PLD2: variants seen among roughly 807,000 people sequenced by gnomAD.
PLD2 encodes phospholipase D2.
In PLD2, 101 loss-of-function variants were observed where a neutral mutation model predicts 119.8. The observed-to-expected ratio is 0.84, with a 90% confidence interval of 0.72 to 0.99. The LOEUF (loss-of-function observed/expected upper bound fraction) is 0.99. Among genes scored for constraint, PLD2 ranks in the 50% least tolerant of loss-of-function variants. The pLI is 0.00. For synonymous variants in PLD2, 494 were observed against 482.8 expected, an observed-to-expected ratio of 1.02 and a Z score of -0.30; for missense variants, 1,164 against 1,226.8, an observed-to-expected ratio of 0.95 and a Z score of 0.76.
Position 4,818,015 on chromosome 17 carries a change from T to G in PLD2, c.1829T>G (p.Val610Gly). The G allele has an allele frequency of 6.2e-7, 1 of 1,612,410 alleles. No individual in the cohort carries two copies. The change falls in exon 18 of 25, where the codon GTG (valine) becomes GGG (glycine). Residue 610 changes from valine to glycine, a missense_variant. Physicochemically the swap from Val to Gly is moderately radical, Grantham distance 109. Transcript: ENST00000263088. ...QCTTVQVLRS[V>G]DRWSAGTLEN... ...ACCATTCCCTAGGTCTTGCGATCAG[T>G]GGACCGCTGGTCAGCAGGGACTCTG...
chr17:4,818,875 T>C (rs748040968), intron 21 of PLD2, 52 bp downstream of exon 21: 7 of 1,580,162 alleles, frequency 4.4e-6, no homozygotes, highest in South Asian at 2.2e-5. Flanking sequence ...GAGAGGGAGA[T>C]TGGGGCGCTG....
Position 4,819,038 on chromosome 17 carries a change from T to A in PLD2, c.2174-46T>A. On this transcript the variant is annotated intron_variant, in intron 21 of 24. Coordinates refer to ENST00000263088, the MANE Select transcript of PLD2 (RefSeq NM_002663.5). This position sits in a 1 kb window ranked among gnomAD's most constrained non-coding sequence, Gnocchi z 4.2. Reference sequence around the variant, plus strand: ...TGAGAGGAGGTGGGACAGGGCCCTGTGCACACAGAGCCACCTCTCACCTCA... The same window carrying A: ...TGAGAGGAGGTGGGACAGGGCCCTGAGCACACAGAGCCACCTCTCACCTCA... The A allele has an allele frequency of 6.2e-7, 1 of 1,609,786 alleles. No homozygotes were observed. The highest frequency in any genetic ancestry group is 8.5e-7 in the Non-Finnish European group (1 of 1,177,564).
At chr17:4,812,324 C>G (rs1246065231) in intron 10 of PLD2, among the ~76,000 whole-genome samples, 1 of 134,742 alleles carries the variant, frequency 7.4e-6, no homozygotes, top group Non-Finnish European at 1.5e-5. Context: ...GAGATGGAGT[C>G]TGTCTCTGTC....
At position 4,808,507 on chromosome 17, in the gene PLD2, C is replaced by T; in HGVS notation, c.383+91C>T. The T allele has an allele frequency of 7.7e-7, 1 of 1,295,488 alleles. No homozygotes were observed. Among genetic ancestry groups the T allele is most frequent in the Non-Finnish European group, 1.1e-6 (1 of 918,492 alleles). The allele number at this position is 1,295,488 out of a possible 1,614,324, so 80.2% of individuals were successfully genotyped here. A position where few individuals can be genotyped will look rare whatever the true frequency, so the allele number is the denominator to read the frequency against. On this transcript the variant is annotated intron_variant, in intron 4 of 24. Coordinates refer to ENST00000263088, the MANE Select transcript of PLD2 (RefSeq NM_002663.5). The surrounding 1 kb of genome is among the most constrained non-coding windows in gnomAD (Gnocchi z 4.1). The stretch of plus-strand genomic sequence containing the variant: ...ACCCCGGGGCCACAACCTTTCCTCC[C>T]TGCAACTCTGGCCACTGTGCTGCCT...
intron 23 of PLD2, among the ~76,000 whole-genome samples, chr17:4,821,104 G>A (rs989661584): frequency 3.4e-4 from 51 of 149,766 alleles, no homozygotes; most frequent in Admixed American, 1.1e-3. Context: ...GGGTTTCACC[G>A]TGTTAGCCAG....
intron 18 of PLD2, 40 bp downstream of exon 18, chr17:4,818,146 G>T (rs749733202): frequency 5.4e-6 from 8 of 1,494,122 alleles, no homozygotes; most frequent in Non-Finnish European, 7.5e-6. Context: ...TGGAAGGGGT[G>T]TCCCAGGAGA....
chr17:4,810,367 G>A (rs543972583), intron 9 of PLD2, among the ~76,000 whole-genome samples: 3 of 152,260 alleles, frequency 2.0e-5, no homozygotes, highest in East Asian at 1.9e-4. Flanking sequence ...GGATATGGCC[G>A]GGCGCGGTGG....
Position 4,818,365 on chromosome 17 carries a change from C to G in PLD2, c.1989C>G (p.Asp663Glu). The change falls in exon 19 of 25, where the codon GAC (aspartate) becomes GAG (glutamate). Residue 663 changes from aspartate (D) to glutamate (E), a missense_variant. Physicochemically the swap from Asp to Glu is conservative, Grantham distance 45. Transcript: ENST00000263088. ...VLNKVGDEIV[D>E]RILKAHKQGW... ...ACAAGGTGGGCGATGAGATTGTGGA[C>G]AGAATCCTGAAGGCCCACAAGTAAG... 6.2e-7 allele frequency: 1 copy of G among 1,614,122 alleles called. No homozygotes were observed. Among genetic ancestry groups the G allele is most frequent in the Non-Finnish European group, 8.5e-7 (1 of 1,179,992 alleles).
Position 4,819,137 on chromosome 17 carries a change from G to C in PLD2, c.2227G>C (p.Glu743Gln). ...CATCTGCGGGCTTCGTACACACGGAGAGCTGGGCGGGCACCCCGTCTCGGA... is the reference window on the plus strand; with the variant it reads ...CATCTGCGGGCTTCGTACACACGGACAGCTGGGCGGGCACCCCGTCTCGGA... ...ISICGLRTHG[E>Q]LGGHPVSELI... is the part of the protein sequence containing the mutation. Residue 743 changes from glutamate to glutamine, a missense_variant, in exon 22 of 25, where the codon GAG becomes CAG. Transcript: ENST00000263088. The surrounding 1 kb of genome is among the most constrained non-coding windows in gnomAD (Gnocchi z 4.2). 1 of 1,614,186 alleles carries C rather than the reference G, an allele frequency of 6.2e-7. No individual in the cohort carries two copies. The highest frequency in any genetic ancestry group is 1.1e-5 in the South Asian group (1 of 91,088).
At chr17:4,814,269 T>C in intron 10 of PLD2, 149 bp from the exon 11 acceptor site, 4 of 1,242,044 alleles carry the variant, frequency 3.2e-6, no homozygotes, top group Non-Finnish European at 4.4e-6. Context: ...AACACTATTT[T>C]GATGTGTCTG....
In PLD2 at chr17:4,811,404, G is replaced by GT. The variant is rs369935322; in HGVS notation, c.1010+454dup. ...CGATTCTTCTGCCTCAGCCTCCCGA[G>GT]TAGCCGGGATTACAGGCGCCCACCA... On this transcript the variant is annotated intron_variant, in intron 10 of 24. Transcript: ENST00000263088. Among the ~76,000 whole-genome samples the GT allele has an allele frequency of 4.0e-3, 590 of 147,278 alleles. 3 individuals carry two copies. Among genetic ancestry groups the GT allele is most frequent in the African/African-American group, 0.013 (532 of 39,820 alleles).
rs569340980 is a variant in PLD2, at chr17:4,811,410, G to A, written c.1010+459G>A. Among the ~76,000 whole-genome samples the A allele has an allele frequency of 3.6e-3, 531 of 149,126 alleles. 1 individual carries two copies. The highest frequency in any genetic ancestry group is 5.9e-3 in the Non-Finnish European group (401 of 67,596). ...TTCTGCCTCAGCCTCCCGAGTAGCC[G>A]GGATTACAGGCGCCCACCACCACAC... is the stretch of plus-strand genomic sequence containing the variant. On this transcript the variant is annotated intron_variant, in intron 10 of 24. Transcript: ENST00000263088.
chr17:4,816,748 T>C lies in PLD2; in HGVS notation c.1582+2T>C. 6.2e-7 allele frequency: 1 copy of C among 1,614,086 alleles called. No homozygotes were observed. Among genetic ancestry groups the C allele is most frequent in the Non-Finnish European group, 8.5e-7 (1 of 1,179,996 alleles). On this transcript the variant is annotated splice_donor_variant, in intron 15 of 24. Coordinates refer to ENST00000263088, the MANE Select transcript of PLD2 (RefSeq NM_002663.5). LOFTEE classifies it high-confidence loss of function. The stretch of plus-strand genomic sequence containing the variant: ...TGCAGCTGGACCGGCCTTTCGAAGG[T>C]GAAGCCTCCCACCCGCCAAAGCCCC...
chr17:4,818,587 C>T lies in PLD2; in HGVS notation c.2103C>T (p.Ala701=), dbSNP rs753212097. ...ISTGGGNSIQ[A]ILHFTYRTLC... ...CGGGCGGTGGCAACTCCATCCAGGC[C>T]ATTCTGCACTTTACTTACAGGTGAC... Residue 701 remains alanine, a synonymous_variant, in exon 20 of 25, where the codon GCC becomes GCT. Transcript: ENST00000263088. The T allele has an allele frequency of 1.9e-6, 3 of 1,613,524 alleles. No homozygotes were observed. The highest frequency in any genetic ancestry group is 2.5e-6 in the Non-Finnish European group (3 of 1,179,516).
At position 4,819,137 on chromosome 17, in the gene PLD2, G is replaced by A; in HGVS notation, c.2227G>A (p.Glu743Lys). ...ISICGLRTHG[E>K]LGGHPVSELI... ...CATCTGCGGGCTTCGTACACACGGA[G>A]AGCTGGGCGGGCACCCCGTCTCGGA... Residue 743 changes from glutamate (E) to lysine (K), a missense_variant, in exon 22 of 25, where the codon GAG becomes AAG. Transcript: ENST00000263088. The surrounding 1 kb of genome is among the most constrained non-coding windows in gnomAD (Gnocchi z 4.2). 6.2e-7 allele frequency: 1 copy of A among 1,614,186 alleles called. No individual in the cohort carries two copies. Among genetic ancestry groups the A allele is most frequent in the Non-Finnish European group, 8.5e-7 (1 of 1,180,036 alleles).
chr17:4,810,075 A>C (rs1296868864), intron 9 of PLD2, 46 bp downstream of exon 9: 1 of 1,595,408 alleles, frequency 6.3e-7, no homozygotes, highest in South Asian at 1.1e-5. Context: ...TGGTGAGCCC[A>C]CCCACGGCCT....
rs201025028 is a variant in PLD2, at chr17:4,807,985, C to A, written c.111C>A (p.Ala37=). ...VDTLKEGEDP[A]DRMHPFLAIY... is the part of the protein sequence containing the mutation. Reference sequence around the variant, plus strand: ...CTCCTCGACTTTCTTTCCTCCCAGCCGACCGGATGCACCCGTTTCTGGCCA... The same window carrying A: ...CTCCTCGACTTTCTTTCCTCCCAGCAGACCGGATGCACCCGTTTCTGGCCA... The change falls in exon 3 of 25, where the codon GCC becomes GCA. Residue 37 remains alanine, a splice_region_variant and synonymous_variant. Transcript: ENST00000263088. This position sits in a 1 kb window ranked among gnomAD's most constrained non-coding sequence, Gnocchi z 5.4. The A allele has an allele frequency of 3.7e-6, 6 of 1,607,464 alleles. No homozygotes were observed. The Admixed American group carries it at 6.7e-5, about 18-fold the overall frequency.
rs1907862427 is a variant in PLD2, at chr17:4,823,329, G to A, written c.*465G>A. ...CACTTCTGGCTTCAGCCCCCACCAGGGGAAGGAAGGAGGGCACATTAACTC... is the reference window on the plus strand; with the variant it reads ...CACTTCTGGCTTCAGCCCCCACCAGAGGAAGGAAGGAGGGCACATTAACTC... On this transcript the variant is annotated 3_prime_UTR_variant, in exon 25 of 25. Coordinates refer to ENST00000263088, the MANE Select transcript of PLD2 (RefSeq NM_002663.5). 2 of 157,432 alleles carry A rather than the reference G, an allele frequency of 1.3e-5. No homozygotes were observed. The highest frequency in any genetic ancestry group is 2.8e-5 in the Non-Finnish European group (2 of 71,332). The allele number at this position is 157,432 out of a possible 1,614,324, so 9.8% of individuals were successfully genotyped here.
rs542492436 is a variant in PLD2 at position 4,819,134 on chromosome 17, G to C, written c.2224G>C (p.Gly742Arg). Reference sequence around the variant, plus strand: ...TTCCATCTGCGGGCTTCGTACACACGGAGAGCTGGGCGGGCACCCCGTCTC... The same window carrying C: ...TTCCATCTGCGGGCTTCGTACACACCGAGAGCTGGGCGGGCACCCCGTCTC... ...YISICGLRTH[G>R]ELGGHPVSEL... Residue 742 changes from glycine to arginine, a missense_variant, in exon 22 of 25, where the codon GGA becomes CGA. Gly to Arg is a moderately radical substitution (Grantham distance 125). Coordinates refer to ENST00000263088, the MANE Select transcript of PLD2 (RefSeq NM_002663.5). The surrounding 1 kb of genome is among the most constrained non-coding windows in gnomAD (Gnocchi z 4.2). The C allele has an allele frequency of 6.2e-7, 1 of 1,614,054 alleles. No homozygotes were observed. Among genetic ancestry groups the C allele is most frequent in the East Asian group, 2.2e-5 (1 of 44,888 alleles).
Sources: allele counts gnomAD v4.1 joint callset (sites outside exome capture counted in the v4.1 genomes callset), GRCh38; gene constraint gnomAD v4.1.1; non-coding constraint Gnocchi (gnomAD v3.1); transcripts MANE v1.5; gene names NCBI Gene and HGNC (gene_info 2026-07-23, HGNC 2026-07-21).